The following TM6SF1 variants were observed in gnomAD, a reference collection of about 807,000 sequenced individuals.
The protein encoded by TM6SF1 is transmembrane 6 superfamily member 1.
In TM6SF1, 43 loss-of-function variants were observed where a neutral mutation model predicts 47.1. That is an observed-to-expected ratio of 0.91 (90% CI 0.72 to 1.18). The LOEUF is 1.18. Ranked by LOEUF, TM6SF1 falls within the 50% of genes most tolerant of loss-of-function variation. The probability of loss-of-function intolerance (pLI) is 0.00; values close to 1 mark genes in which losing one functional copy is unlikely to be tolerated. For synonymous variants in TM6SF1, 177 were observed against 166.3 expected, an observed-to-expected ratio of 1.06 and a Z score of -0.49; for missense variants, 390 against 449.0, an observed-to-expected ratio of 0.87 and a Z score of 1.19.
At chr15:83,119,859 G>A in intron 4 of TM6SF1, 178 bp downstream of exon 4, 2 of 935,298 alleles carry the variant, frequency 2.1e-6, no homozygotes, top group East Asian at 2.7e-5. Context: ...TTTTGAATAT[G>A]TCCTTCTGAA....
intron 3 of TM6SF1, among the ~76,000 whole-genome samples, chr15:83,116,818 A>G (rs563383971): frequency 2.6e-5 from 4 of 152,302 alleles, no homozygotes; most frequent in African/African-American, 9.6e-5. Flanking sequence ...ATTGGGAGTG[A>G]TGGGAAGGAT....
At chr15:83,111,645 G>A (rs1309912570) in intron 1 of TM6SF1, 1 of 985,334 alleles carries the variant, frequency 1.0e-6, no homozygotes, top group Non-Finnish European at 1.2e-6. Flanking sequence ...CAGTTGAGGA[G>A]TGGTGCTTGT....
chr15:83,116,674 G>A (rs2151346858), intron 3 of TM6SF1, among the ~76,000 whole-genome samples: 1 of 152,326 alleles, frequency 6.6e-6, no homozygotes, highest in East Asian at 1.9e-4. Flanking sequence ...CATGAGCTGG[G>A]GCACCAGTCA....
Position 83,122,851 on chromosome 15 carries a change from A to G in TM6SF1, c.576A>G (p.Pro192=), listed in dbSNP as rs149942203. The G allele has an allele frequency of 8.9e-4, 1,436 of 1,614,106 alleles. No individual in the cohort carries two copies. The highest frequency in any genetic ancestry group is 1.2e-3 in the Non-Finnish European group (1,357 of 1,179,982). The change falls in exon 6 of 10, where the codon CCA becomes CCG. Residue 192 remains proline, a synonymous_variant. Coordinates refer to ENST00000322019, the MANE Select transcript of TM6SF1 (RefSeq NM_023003.5). ...VWAGFRIYNQ[P]SENYNYPSKV... ...CTGGTTTCAGAATCTATAATCAGCCATCAGAAAATTATAATTACCCCTCAA... is the reference window on the plus strand; with the variant it reads ...CTGGTTTCAGAATCTATAATCAGCCGTCAGAAAATTATAATTACCCCTCAA...
At chr15:83,128,728 A>T (rs2035987571) in intron 9 of TM6SF1, 1 of 152,002 alleles carries the variant, frequency 6.6e-6, no homozygotes. Flanking sequence ...CCATTTTTTC[A>T]TTATCTGTTT....
chr15:83,121,282 AT>A (rs1369037990), intron 4 of TM6SF1, among the ~76,000 whole-genome samples: 1 of 148,310 alleles, frequency 6.7e-6, no homozygotes, highest in Non-Finnish European at 1.5e-5. Flanking sequence ...GCGTTTCACC[AT>A]GTTGGCCAGG....
chr15:83,126,719 ATTGTATTTTTATAATGAGTT>A lies in TM6SF1; in HGVS notation c.709-34_709-15del. 1 of 1,541,422 alleles carries A rather than the reference ATTGTATTTTTATAATGAGTT, an allele frequency of 6.5e-7. No individual in the cohort carries two copies. ...TCAGCAAACCTAAGAACCAGATGTGATTGTATTTTTATAATGAGTTTATTTTTGTCCTTAGATTGCTTTGG... is the reference window on the plus strand; with the variant it reads ...TCAGCAAACCTAAGAACCAGATGTGATATTTTTGTCCTTAGATTGCTTTGG... On this transcript the variant is annotated splice_polypyrimidine_tract_variant and intron_variant, in intron 7 of 9. Transcript: ENST00000322019.
chr15:83,118,230 TACACACACAC>T (rs72160704), intron 3 of TM6SF1, among the ~76,000 whole-genome samples: 13 of 146,350 alleles, frequency 8.9e-5, no homozygotes, highest in South Asian at 4.5e-4. Context: ...TCTCTGTACG[TACACACACAC>T]ACACACACAC....
chr15:83,134,546 A>T (rs984277452), intron 9 of TM6SF1: 1 of 152,138 alleles, frequency 6.6e-6, no homozygotes, highest in African/African-American at 2.4e-5. Context: ...TGTTGCCATG[A>T]GTTTGCTGTT....
Position 83,126,850 on chromosome 15 carries a change from CAAGTAGTTATGAAGCCT to C in TM6SF1, c.801+7_801+23del. ...CTGCTGCTTATCCTAAAATTCAGGT[CAAGTAGTTATGAAGCCT>C]AAGATTTTTCTAAAATTAATTTTCT... On this transcript the variant is annotated splice_donor_5th_base_variant and intron_variant, in intron 8 of 9. Coordinates refer to ENST00000322019, the MANE Select transcript of TM6SF1 (RefSeq NM_023003.5). 6.2e-7 allele frequency: 1 copy of C among 1,605,528 alleles called. No homozygotes were observed. Among genetic ancestry groups the C allele is most frequent in the South Asian group, 1.1e-5 (1 of 90,056 alleles).
chr15:83,120,983 C>T (rs528835684), intron 4 of TM6SF1, among the ~76,000 whole-genome samples: 8 of 152,212 alleles, frequency 5.3e-5, no homozygotes, highest in Non-Finnish European at 7.4e-5. Context: ...ACAGTATTCT[C>T]GTTTCCCTTC....
chr15:83,107,983 A>T lies in TM6SF1; in HGVS notation c.92+211A>T. The T allele has an allele frequency of 9.7e-7, 1 of 1,025,650 alleles. No individual in the cohort carries two copies. The highest frequency in any genetic ancestry group is 1.3e-6 in the Non-Finnish European group (1 of 785,300). 63.5% of individuals were successfully genotyped at this position (1,025,650 alleles called of 1,614,324 possible). ...CTTGGAGCCGGGCCCTGAGGTGCCC[A>T]GGCTGGCGCATTTCGGGATGTTGGT... On this transcript the variant is annotated intron_variant, in intron 1 of 9. Coordinates refer to ENST00000322019, the MANE Select transcript of TM6SF1 (RefSeq NM_023003.5). This position sits in a 1 kb window ranked among gnomAD's most constrained non-coding sequence, Gnocchi z 5.6.
At chr15:83,116,666 T>C (rs1290920079) in intron 3 of TM6SF1, among the ~76,000 whole-genome samples, 1 of 152,174 alleles carries the variant, frequency 6.6e-6, no homozygotes, top group Admixed American at 6.5e-5. Context: ...GTCCGTGCCA[T>C]GAGCTGGGGC....
chr15:83,136,509 T>G lies in TM6SF1; in HGVS notation c.950T>G (p.Leu317Arg), dbSNP rs538104358. 5 of 1,593,802 alleles carry G rather than the reference T, an allele frequency of 3.1e-6. No individual in the cohort carries two copies. The African/African-American group carries it at 6.8e-5, about 22-fold the overall frequency. ...CAGTTTTCTCACATTGGTGCATCTCTTCATGCTAGAACTGCTTATGTCTAC... is the reference window on the plus strand; with the variant it reads ...CAGTTTTCTCACATTGGTGCATCTCGTCATGCTAGAACTGCTTATGTCTAC... ...QAQFSHIGASLHARTAYVYRV... is the reference protein window; with the variant it reads ...QAQFSHIGASRHARTAYVYRV... Residue 317 changes from leucine (L) to arginine (R), a missense_variant, in exon 10 of 10, where the codon CTT (leucine) becomes CGT (arginine). Physicochemically the swap from Leu to Arg is moderately radical, Grantham distance 102. Coordinates refer to ENST00000322019, the MANE Select transcript of TM6SF1 (RefSeq NM_023003.5).
At chr15:83,108,154 T>G (rs936011630) in intron 1 of TM6SF1, among the ~76,000 whole-genome samples, 1 of 152,242 alleles carries the variant, frequency 6.6e-6, no homozygotes, top group Admixed American at 6.5e-5. Context: ...TTGTTCTTTT[T>G]GCATCTCACG....
At chr15:83,115,512 G>C in intron 2 of TM6SF1, 1 of 430,106 alleles carries the variant, frequency 2.3e-6, no homozygotes, top group South Asian at 2.0e-5. Context: ...ATGTGGGTTT[G>C]ATTCTGGGCA....
chr15:83,122,617 C>G (rs1006540898), intron 5 of TM6SF1, 140 bp from the exon 6 acceptor site: 7 of 821,680 alleles, frequency 8.5e-6, no homozygotes, highest in Non-Finnish European at 1.3e-5. Flanking sequence ...TTTAAATTGA[C>G]CTTTTTAATT....
At chr15:83,124,646 C>A (rs756390487) in intron 6 of TM6SF1, 26 bp from the exon 7 acceptor site, 1 of 1,586,846 alleles carries the variant, frequency 6.3e-7, no homozygotes, top group Non-Finnish European at 8.6e-7. Context: ...TTTGGGCCTG[C>A]TCTTTAGGTA....
At chr15:83,115,665 A>G (rs1267189718) in intron 2 of TM6SF1, 180 bp from the exon 3 acceptor site, 2 of 696,108 alleles carry the variant, frequency 2.9e-6, no homozygotes, top group African/African-American at 3.5e-5. Context: ...GAGAGCTGCG[A>G]ACACAGGTGG....
Sources: gnomAD v4.1 joint callset for allele counts (sites outside exome capture counted in the v4.1 genomes callset) on GRCh38, gnomAD v4.1.1 for gene constraint, Gnocchi (gnomAD v3.1) non-coding constraint, MANE v1.5 for transcripts, NCBI Gene and HGNC (gene_info 2026-07-23, HGNC 2026-07-21) for gene names.